Variants in MYO1E observed in about 807,000 individuals in gnomAD.
The protein encoded by MYO1E is unconventional myosin-Ie.
A neutral mutation model predicts 151.1 loss-of-function variants in MYO1E; 68 were observed. That is an observed-to-expected ratio of 0.45 (90% CI 0.37 to 0.55). The LOEUF (loss-of-function observed/expected upper bound fraction) is 0.55, where lower values mean the gene tolerates loss of function less well. Among genes scored for constraint, MYO1E ranks in the 20% least tolerant of loss-of-function variants. MYO1E has a pLI of 0.00. For missense variants in MYO1E, 1,363 were observed against 1,389.3 expected (o/e 0.98, Z 0.30); for synonymous variants, 601 against 501.7 (o/e 1.20, Z -2.64).
intron 26 of MYO1E, among the ~76,000 whole-genome samples, chr15:59,152,097 T>C (rs767482617): frequency 6.7e-6 from 1 of 148,320 alleles, no homozygotes; most frequent in Non-Finnish European, 1.5e-5. Flanking sequence ...GGTGTGGTGG[T>C]GCGTGCCTGT....
At chr15:59,278,793 C>T (rs775152013) in intron 1 of MYO1E, among the ~76,000 whole-genome samples, 8 of 152,184 alleles carry the variant, frequency 5.3e-5, no homozygotes, top group Non-Finnish European at 1.0e-4. Context: ...ATAATTGGAA[C>T]ATTTACTGAA....
In MYO1E at chr15:59,285,381, G is replaced by A. The variant is rs578003370; in HGVS notation, c.4-12932C>T. On this transcript the variant is annotated intron_variant, in intron 1 of 27. Coordinates refer to ENST00000288235, the MANE Select transcript of MYO1E (RefSeq NM_004998.4). ...TTTTTTTTTTTTTTTTTTTTGAGACGGAGTCTGGCTCTGTCGCCCAGGCTG... is the reference window on the plus strand; with the variant it reads ...TTTTTTTTTTTTTTTTTTTTGAGACAGAGTCTGGCTCTGTCGCCCAGGCTG... 7.4e-3 allele frequency among the ~76,000 whole-genome samples: 867 copies of A among 116,898 alleles called. 9 individuals are homozygous for A. The highest frequency in any genetic ancestry group is 0.025 in the African/African-American group (812 of 32,362). 76.7% of individuals were successfully genotyped at this position (116,898 alleles called of 152,430 possible).
intron 1 of MYO1E, among the ~76,000 whole-genome samples, chr15:59,289,410 T>A (rs549611148): frequency 2.3e-3 from 348 of 152,324 alleles, no homozygotes; most frequent in Non-Finnish European, 4.1e-3. Flanking sequence ...ATATTATATA[T>A]GGGAGCAGCT....
At chr15:59,201,157 G>C (rs2079799231) in intron 16 of MYO1E, among the ~76,000 whole-genome samples, 1 of 151,122 alleles carries the variant, frequency 6.6e-6, no homozygotes, top group South Asian at 2.1e-4. Context: ...CCCCAGGCTG[G>C]AGCAATCATG....
At chr15:59,220,002 T>C (rs1319935528) in intron 9 of MYO1E, among the ~76,000 whole-genome samples, 1 of 152,224 alleles carries the variant, frequency 6.6e-6, no homozygotes, top group Non-Finnish European at 1.5e-5. Context: ...TAAATCAGAC[T>C]GGACCCATGT....
intron 6 of MYO1E, among the ~76,000 whole-genome samples, chr15:59,230,300 G>C (rs1201565723): frequency 1.3e-5 from 2 of 150,210 alleles, no homozygotes; most frequent in East Asian, 3.9e-4. Flanking sequence ...TTTCTATCAG[G>C]GTTGTATAAA....
chr15:59,166,719 C>T (rs2079564513), intron 22 of MYO1E, among the ~76,000 whole-genome samples: 1 of 152,130 alleles, frequency 6.6e-6, no homozygotes, highest in East Asian at 1.9e-4. Context: ...TTCTACCACT[C>T]AGAGAAACCA....
intron 1 of MYO1E, among the ~76,000 whole-genome samples, chr15:59,324,459 G>C (rs1330584966): frequency 6.6e-6 from 1 of 152,136 alleles, no homozygotes; most frequent in African/African-American, 2.4e-5. Flanking sequence ...AAAAAAATCA[G>C]GCTGTCTTTG....
At chr15:59,306,600 C>T (rs2080516222) in intron 1 of MYO1E, among the ~76,000 whole-genome samples, 1 of 152,212 alleles carries the variant, frequency 6.6e-6, no homozygotes, top group South Asian at 2.1e-4. Context: ...ACCTCAAATG[C>T]TAAATTTGTG....
At chr15:59,303,158 T>C (rs1596408111) in intron 1 of MYO1E, among the ~76,000 whole-genome samples, 1 of 152,190 alleles carries the variant, frequency 6.6e-6, no homozygotes, top group South Asian at 2.1e-4. Flanking sequence ...AAGTCTAAAT[T>C]TGATTGTTAG....
intron 1 of MYO1E, among the ~76,000 whole-genome samples, chr15:59,371,581 T>C (rs2080944978): frequency 2.0e-5 from 3 of 149,928 alleles, no homozygotes; most frequent in African/African-American, 7.4e-5. Flanking sequence ...GACTGGGGAG[T>C]TGGAATAGCA....
chr15:59,161,872 TTC>T (rs1160070676), intron 23 of MYO1E, among the ~76,000 whole-genome samples: 1 of 152,210 alleles, frequency 6.6e-6, no homozygotes, highest in Non-Finnish European at 1.5e-5. Flanking sequence ...AAGTTATATT[TTC>T]TGATATCATA....
At chr15:59,155,286 C>T (rs1196923955) in intron 25 of MYO1E, among the ~76,000 whole-genome samples, 2 of 152,210 alleles carry the variant, frequency 1.3e-5, no homozygotes, top group African/African-American at 2.4e-5. Flanking sequence ...TATTTCATGC[C>T]TGTTGCATCT....
At position 59,241,500 on chromosome 15, in the gene MYO1E, A is replaced by G. The variant is rs2080099466; in HGVS notation, c.333-4828T>C. On this transcript the variant is annotated intron_variant, in intron 4 of 27. Coordinates refer to ENST00000288235, the MANE Select transcript of MYO1E (RefSeq NM_004998.4). Reference sequence around the variant, plus strand: ...TTAAGTCAGGAGTTCAAGAGCAGCAAGAGCAGCCTGGCCGACATGGTAAAA... The same window carrying G: ...TTAAGTCAGGAGTTCAAGAGCAGCAGGAGCAGCCTGGCCGACATGGTAAAA... Among the ~76,000 whole-genome samples the G allele has an allele frequency of 2.0e-5, 3 of 152,188 alleles. No individual in the cohort carries two copies. In the South Asian group the frequency reaches 6.2e-4, roughly 32 times the overall value.
intron 1 of MYO1E, among the ~76,000 whole-genome samples, chr15:59,283,310 G>A (rs2080368503): frequency 6.6e-6 from 1 of 152,014 alleles, no homozygotes; most frequent in South Asian, 2.1e-4. Flanking sequence ...TGTGTGTGAG[G>A]TGGGATCTTC....
intron 17 of MYO1E, among the ~76,000 whole-genome samples, chr15:59,189,442 C>T (rs1165812818): frequency 1.3e-5 from 2 of 152,056 alleles, no homozygotes; most frequent in African/African-American, 4.8e-5. Flanking sequence ...TCTTTCGAGA[C>T]AGAGTCTCGC....
intron 1 of MYO1E, among the ~76,000 whole-genome samples, chr15:59,351,240 G>A (rs1353842495): frequency 1.3e-5 from 2 of 152,176 alleles, no homozygotes; most frequent in African/African-American, 2.4e-5. Context: ...GGAAAAAAGG[G>A]AAGGGAAATC....
intron 5 of MYO1E, among the ~76,000 whole-genome samples, chr15:59,236,332 C>A (rs2080063073): frequency 1.6e-5 from 2 of 124,392 alleles, no homozygotes; most frequent in Non-Finnish European, 3.3e-5. Context: ...GGCAACAGAG[C>A]AAGACTCTGT....
At chr15:59,296,640 G>A (rs2080449952) in intron 1 of MYO1E, among the ~76,000 whole-genome samples, 1 of 152,098 alleles carries the variant, frequency 6.6e-6, no homozygotes, top group Non-Finnish European at 1.5e-5. Context: ...TTGGAGGAAG[G>A]GTGAGGGGCA....
Sources: allele counts gnomAD v4.1 joint callset (sites outside exome capture counted in the v4.1 genomes callset), GRCh38; gene constraint gnomAD v4.1.1; transcripts MANE v1.5; gene names NCBI Gene and HGNC (gene_info 2026-07-23, HGNC 2026-07-21).